The following DLG2 variants were observed in gnomAD, a reference collection of about 807,000 sequenced individuals.
The protein encoded by DLG2 is disks large homolog 2.
DLG2 carries 45 observed loss-of-function variants against 132.5 expected under a neutral mutation model. The ratio of observed to expected loss-of-function variants is 0.34; its 90% confidence interval spans 0.27 to 0.44. The LOEUF is 0.44. DLG2 is among the 20% of genes least tolerant of loss of function. The probability of loss-of-function intolerance (pLI) is 1.00; values close to 1 mark genes in which losing one functional copy is unlikely to be tolerated. For synonymous variants in DLG2, 424 were observed against 419.6 expected, an observed-to-expected ratio of 1.01 and a Z score of -0.13; for missense variants, 1,045 against 1,196.9, an observed-to-expected ratio of 0.87 and a Z score of 1.87.
intron 3 of DLG2, among the ~76,000 whole-genome samples, chr11:85,403,787 G>A (rs1373762776): frequency 1.3e-5 from 2 of 151,938 alleles, no homozygotes; most frequent in East Asian, 3.9e-4. Flanking sequence ...AGGCTGCAGT[G>A]GGAAGAAGCA....
intron 18 of DLG2, chr11:83,645,737 G>A (rs940014287): frequency 7.2e-5 from 11 of 152,108 alleles, no homozygotes; most frequent in African/African-American, 2.7e-4. Context: ...CTCAGAGCCT[G>A]GTGTCAATTA....
At chr11:85,490,225 GA>G (rs1413293299) in intron 3 of DLG2, among the ~76,000 whole-genome samples, 1 of 151,980 alleles carries the variant, frequency 6.6e-6, no homozygotes, top group Non-Finnish European at 1.5e-5. Flanking sequence ...TGAAACAAAT[GA>G]AAATGAAAAC....
intron 18 of DLG2, among the ~76,000 whole-genome samples, chr11:83,676,891 C>T (rs1314982836): frequency 6.6e-6 from 1 of 152,136 alleles, no homozygotes; most frequent in Non-Finnish European, 1.5e-5. Context: ...TTTGTTATCT[C>T]ATCACCCAGC....
chr11:84,916,067 C>A (rs12807740), intron 6 of DLG2, among the ~76,000 whole-genome samples: 6,887 of 152,018 alleles, frequency 0.045, 172 homozygotes, highest in East Asian at 0.096. Flanking sequence ...AGAAGCAGGC[C>A]GGGCGCGGTG....
At chr11:84,133,646 C>T (rs1196169760) in intron 9 of DLG2, among the ~76,000 whole-genome samples, 1 of 151,674 alleles carries the variant, frequency 6.6e-6, no homozygotes, top group East Asian at 1.9e-4. Flanking sequence ...TCTTCTTCTA[C>T]TTCTTCTTCT....
chr11:84,600,401 T>G (rs1252000365), intron 6 of DLG2, among the ~76,000 whole-genome samples: 1 of 152,062 alleles, frequency 6.6e-6, no homozygotes, highest in Non-Finnish European at 1.5e-5. Context: ...TATTAACTTG[T>G]ATTGGTAGTT....
chr11:84,518,405 A>G (rs541766991), intron 7 of DLG2, among the ~76,000 whole-genome samples: 3 of 152,252 alleles, frequency 2.0e-5, no homozygotes, highest in Middle Eastern at 3.4e-3. Context: ...CAGTTAATAT[A>G]AAGAAAATGC....
intron 8 of DLG2, among the ~76,000 whole-genome samples, chr11:84,163,742 T>C (rs2095600028): frequency 6.6e-6 from 1 of 152,186 alleles, no homozygotes; most frequent in Non-Finnish European, 1.5e-5. Context: ...CTTCCCTTAG[T>C]AATTCTGTGA....
At chr11:84,859,398 G>A (rs11234208) in intron 6 of DLG2, among the ~76,000 whole-genome samples, 2 of 137,752 alleles carry the variant, frequency 1.5e-5, no homozygotes, top group African/African-American at 5.5e-5. Flanking sequence ...ACATATATAT[G>A]TATATATACA....
chr11:84,348,308 A>G (rs1051986105), intron 7 of DLG2, among the ~76,000 whole-genome samples: 1 of 152,212 alleles, frequency 6.6e-6, no homozygotes, highest in African/African-American at 2.4e-5. Context: ...CAAGGACGTT[A>G]AGTAATTTGC....
intron 3 of DLG2, among the ~76,000 whole-genome samples, chr11:85,472,662 C>T (rs1565544039): frequency 2.0e-5 from 3 of 152,182 alleles, no homozygotes; most frequent in African/African-American, 7.2e-5. Context: ...ATCCTTGTAA[C>T]CTCATTCTTA....
chr11:85,274,124 G>A (rs1024976698), intron 4 of DLG2, among the ~76,000 whole-genome samples: 2 of 145,082 alleles, frequency 1.4e-5, no homozygotes, highest in African/African-American at 5.1e-5. Context: ...GGAGAGGGGA[G>A]GGATAGCATT....
At chr11:84,673,410 C>T (rs1018648322) in intron 6 of DLG2, among the ~76,000 whole-genome samples, 3 of 151,862 alleles carry the variant, frequency 2.0e-5, no homozygotes, top group Admixed American at 2.0e-4. Context: ...TGAATCCTGG[C>T]TTTGTCAAAA....
rs1328608720 is a variant in DLG2 at position 83,652,018 on chromosome 11, G to T, written c.1826-18693C>A. On this transcript the variant is annotated intron_variant, in intron 18 of 27. Transcript: ENST00000376104. ...TCTAATCAAATTTGGCCCTGTTAGA[G>T]AATTGAATTCACAGCAGAAAAGAGA... The T allele has an allele frequency of 1.2e-5, 4 of 323,666 alleles. No individual in the cohort carries two copies. The East Asian group carries it at 2.3e-4, about 19-fold the overall frequency. 20.0% of individuals were successfully genotyped at this position (323,666 alleles called of 1,614,324 possible). A position where few individuals can be genotyped will look rare whatever the true frequency, so the allele number is the denominator to read the frequency against.
chr11:84,818,445 C>T (rs1418766931), intron 6 of DLG2, among the ~76,000 whole-genome samples: 1 of 151,650 alleles, frequency 6.6e-6, no homozygotes, highest in African/African-American at 2.4e-5. Context: ...AAGCCTTAGG[C>T]TTGTTATATT....
chr11:84,445,551 T>C (rs1299958783), intron 7 of DLG2, among the ~76,000 whole-genome samples: 1 of 152,182 alleles, frequency 6.6e-6, no homozygotes, highest in African/African-American at 2.4e-5. Flanking sequence ...TCGGTTTTAC[T>C]ATAATATTTT....
intron 16 of DLG2, among the ~76,000 whole-genome samples, chr11:83,840,161 T>C (rs2057231837): frequency 6.6e-6 from 1 of 152,180 alleles, no homozygotes; most frequent in Admixed American, 6.5e-5. Flanking sequence ...CCCAGGTACA[T>C]ATGATAACTT....
chr11:83,617,237 A>C (rs1325780671), intron 19 of DLG2, among the ~76,000 whole-genome samples: 2 of 152,238 alleles, frequency 1.3e-5, no homozygotes, highest in Non-Finnish European at 2.9e-5. Flanking sequence ...TCAATATATC[A>C]GTTTGGGAGA....
At chr11:84,716,483 A>G (rs927636296) in intron 6 of DLG2, among the ~76,000 whole-genome samples, 1 of 152,120 alleles carries the variant, frequency 6.6e-6, no homozygotes, top group Non-Finnish European at 1.5e-5. Flanking sequence ...AAGATAAAGG[A>G]AAGAGAAATA....
Sources: gnomAD v4.1 joint callset for allele counts (sites outside exome capture counted in the v4.1 genomes callset) on GRCh38, gnomAD v4.1.1 for gene constraint, MANE v1.5 for transcripts, NCBI Gene and HGNC (gene_info 2026-07-23, HGNC 2026-07-21) for gene names.